Variants in DCBLD2 observed in about 807,000 individuals in gnomAD.
The protein encoded by DCBLD2 is discoidin, CUB and LCCL domain-containing protein 2.
DCBLD2 carries 54 observed loss-of-function variants against 86.8 expected under a neutral mutation model. The observed-to-expected ratio is 0.62, with a 90% CI of 0.50 to 0.78. The LOEUF is 0.78. DCBLD2 is among the 30% of genes least tolerant of loss of function. The pLI is 0.00. For synonymous variants in DCBLD2, 354 were observed against 341.3 expected, an observed-to-expected ratio of 1.04 and a Z score of -0.41; for missense variants, 908 against 954.2, an observed-to-expected ratio of 0.95 and a Z score of 0.64.
rs1204665461 is a variant in DCBLD2, at chr3:98,829,722, A to G, written c.572-4356T>C. ...CTTTGCTATTGTAAATACTGCTGCA[A>G]TGAACAATATGAGTGCAATTTATAT... On this transcript the variant is annotated intron_variant, in intron 3 of 15. Coordinates refer to ENST00000326840, the MANE Select transcript of DCBLD2 (RefSeq NM_080927.4). 2.0e-5 allele frequency among the ~76,000 whole-genome samples: 3 copies of G among 152,198 alleles called. No homozygotes were observed. The East Asian group carries it at 5.8e-4, about 29-fold the overall frequency.
chr3:98,853,393 G>C (rs990989655), intron 2 of DCBLD2, among the ~76,000 whole-genome samples: 4 of 152,154 alleles, frequency 2.6e-5, no homozygotes, highest in African/African-American at 7.2e-5. Flanking sequence ...TGTCCCCTTT[G>C]AAAAAGAAAG....
intron 2 of DCBLD2, among the ~76,000 whole-genome samples, chr3:98,871,109 A>C (rs1465695631): frequency 6.6e-6 from 1 of 151,890 alleles, no homozygotes; most frequent in Non-Finnish European, 1.5e-5. Context: ...GGTATATAGC[A>C]GTAGTACTGA....
chr3:98,828,059 C>A (rs1035286252), intron 3 of DCBLD2, among the ~76,000 whole-genome samples: 1 of 152,146 alleles, frequency 6.6e-6, no homozygotes, highest in Non-Finnish European at 1.5e-5. Flanking sequence ...GTACCTCAAA[C>A]TACATACAAA....
chr3:98,901,450 C>T lies in DCBLD2; in HGVS notation c.-124G>A, dbSNP rs905019995. 33 of 1,019,464 alleles carry T rather than the reference C, an allele frequency of 3.2e-5. No homozygotes were observed. Among genetic ancestry groups the T allele is most frequent in the Non-Finnish European group, 4.2e-5 (33 of 794,774 alleles). The allele number at this position is 1,019,464 out of a possible 1,614,324, so 63.2% of individuals were successfully genotyped here. On this transcript the variant is annotated 5_prime_UTR_variant, in exon 1 of 16. The change creates a new upstream start codon in the 5' untranslated region. Transcript: ENST00000326840. ...AGAACAAGAGGCAGCCCTCGCCTCA[C>T]CCCGCGCCGGGACCCTTCCGCCCCT...
chr3:98,830,189 T>A (rs1942295393), intron 3 of DCBLD2, among the ~76,000 whole-genome samples: 1 of 152,194 alleles, frequency 6.6e-6, no homozygotes, highest in South Asian at 2.1e-4. Flanking sequence ...CTGTAGGTTG[T>A]CTGTTTACTC....
rs1002902078 is a variant in DCBLD2, at chr3:98,797,766, G to A, written c.*1606C>T. 3 of 152,110 alleles carry A rather than the reference G, an allele frequency of 2.0e-5. No individual in the cohort carries two copies. The highest frequency in any genetic ancestry group is 4.4e-5 in the Non-Finnish European group (3 of 68,006). The allele number at this position is 152,110 out of a possible 1,614,324, so 9.4% of individuals were successfully genotyped here. On this transcript the variant is annotated 3_prime_UTR_variant, in exon 16 of 16. Transcript: ENST00000326840. ...GTTTTAGAATACTGATATAATTCAT[G>A]GAAACAAGAAAACAAATACTGTTCA...
intron 3 of DCBLD2, among the ~76,000 whole-genome samples, chr3:98,836,438 A>G (rs1386483538): frequency 6.6e-6 from 1 of 151,756 alleles, no homozygotes; most frequent in Non-Finnish European, 1.5e-5. Flanking sequence ...AAAAGGGCCC[A>G]TGCGTTATGA....
At chr3:98,828,088 C>G (rs762343056) in intron 3 of DCBLD2, among the ~76,000 whole-genome samples, 9 of 152,064 alleles carry the variant, frequency 5.9e-5, no homozygotes, top group Non-Finnish European at 7.4e-5. Flanking sequence ...GATCTAAACT[C>G]AAGAGCTGAA....
At chr3:98,820,588 T>C (rs752753765) in intron 6 of DCBLD2, among the ~76,000 whole-genome samples, 1 of 152,204 alleles carries the variant, frequency 6.6e-6, no homozygotes, top group Non-Finnish European at 1.5e-5. Flanking sequence ...CATATGTATT[T>C]ACTCATTGTT....
At chr3:98,826,317 C>T (rs1358119011) in intron 3 of DCBLD2, among the ~76,000 whole-genome samples, 3 of 152,214 alleles carry the variant, frequency 2.0e-5, no homozygotes, top group Non-Finnish European at 4.4e-5. Flanking sequence ...CTTGGCTTCT[C>T]GCCGCTCCAG....
intron 9 of DCBLD2, 25 bp from the exon 10 acceptor site, chr3:98,812,507 G>T: frequency 6.3e-7 from 1 of 1,599,062 alleles, no homozygotes; most frequent in Non-Finnish European, 8.5e-7. Flanking sequence ...CAAAAAATTG[G>T]TACTTCAAAT....
In DCBLD2 at chr3:98,798,474, C is replaced by T. The variant is rs1941653287; in HGVS notation, c.*898G>A. ...ATGTTTACAGTATTCCCTTAGAAGCCTTCAACTTTTCATAACTCTCCTAGG... is the reference window on the plus strand; with the variant it reads ...ATGTTTACAGTATTCCCTTAGAAGCTTTCAACTTTTCATAACTCTCCTAGG... On this transcript the variant is annotated 3_prime_UTR_variant, in exon 16 of 16. Coordinates refer to ENST00000326840, the MANE Select transcript of DCBLD2 (RefSeq NM_080927.4). 1 of 152,150 alleles carries T rather than the reference C, an allele frequency of 6.6e-6. No homozygotes were observed. Among genetic ancestry groups the T allele is most frequent in the South Asian group, 2.1e-4 (1 of 4,820 alleles). 9.4% of individuals were successfully genotyped at this position (152,150 alleles called of 1,614,324 possible).
intron 3 of DCBLD2, among the ~76,000 whole-genome samples, chr3:98,839,200 CTTCCTTCT>C (rs1264497511): frequency 1.4e-4 from 18 of 127,952 alleles, no homozygotes; most frequent in South Asian, 9.6e-4. Context: ...TCCTTCCTTC[CTTCCTTCT>C]TTCTTTCCTT....
At chr3:98,844,037 C>CACACACACACACAT in intron 3 of DCBLD2, among the ~76,000 whole-genome samples, 1 of 48,418 alleles carries the variant, frequency 2.1e-5, no homozygotes, top group African/African-American at 8.6e-5. Context: ...CATGCATGCA[C>CACACACACACACAT]ACACACACAC....
intron 13 of DCBLD2, 107 bp downstream of exon 13, chr3:98,807,974 T>G: frequency 1.3e-6 from 1 of 780,196 alleles, no homozygotes. Context: ...ATTTTAATAA[T>G]TACCTTAACT....
chr3:98,839,117 C>CTT (rs758970392), intron 3 of DCBLD2, among the ~76,000 whole-genome samples: 7,771 of 109,034 alleles, frequency 0.071, 249 homozygotes, highest in Middle Eastern at 0.095. Context: ...TTCTTTCTTT[C>CTT]TTTTTCTTTC....
Position 98,799,562 on chromosome 3 carries a change from C to G in DCBLD2, c.2138G>C (p.Gly713Ala). The G allele has an allele frequency of 6.2e-7, 1 of 1,613,892 alleles. No individual in the cohort carries two copies. The highest frequency in any genetic ancestry group is 1.1e-5 in the South Asian group (1 of 91,072). The change falls in exon 16 of 16, where the codon GGA becomes GCA. Residue 713 changes from glycine to alanine, a missense_variant. By Grantham distance (60) the Gly-to-Ala change is moderately conservative. Coordinates refer to ENST00000326840, the MANE Select transcript of DCBLD2 (RefSeq NM_080927.4). ...ATGNQPPPLV[G>A]TYNTLLSRTD... ...CCTGGAGAGAAGTGTATTGTAAGTTCCCACTAGTGGGGGAGGTTGGTTCCC... is the reference window on the plus strand; with the variant it reads ...CCTGGAGAGAAGTGTATTGTAAGTTGCCACTAGTGGGGGAGGTTGGTTCCC...
At chr3:98,834,035 C>T (rs896844344) in intron 3 of DCBLD2, among the ~76,000 whole-genome samples, 2 of 152,076 alleles carry the variant, frequency 1.3e-5, no homozygotes, top group African/African-American at 4.8e-5. Context: ...TCGGATTTTC[C>T]AGCACCACTT....
At chr3:98,886,809 C>CCTTT (rs1553734160) in intron 1 of DCBLD2, among the ~76,000 whole-genome samples, 2 of 121,482 alleles carry the variant, frequency 1.6e-5, no homozygotes, top group South Asian at 2.8e-4. Flanking sequence ...AACCCCCCCC[C>CCTTT]TTTTTTTTTT....
Sources: allele counts gnomAD v4.1 joint callset (sites outside exome capture counted in the v4.1 genomes callset), GRCh38; gene constraint gnomAD v4.1.1; transcripts MANE v1.5; gene names NCBI Gene and HGNC (gene_info 2026-07-23, HGNC 2026-07-21).